KCNIP3: variants seen among roughly 807,000 people sequenced by gnomAD.
KCNIP3 encodes the protein calsenilin.
In KCNIP3, 28 loss-of-function variants were observed where a neutral mutation model predicts 35.0. The observed-to-expected ratio is 0.80, with a 90% confidence interval of 0.59 to 1.10. The LOEUF is 1.10. Among genes scored for constraint, KCNIP3 ranks in the 50% least tolerant of loss-of-function variants. The probability of loss-of-function intolerance (pLI) is 0.00; values close to 1 mark genes in which losing one functional copy is unlikely to be tolerated. For synonymous variants in KCNIP3, 134 were observed against 133.8 expected, an observed-to-expected ratio of 1.00 and a Z score of -0.01; for missense variants, 295 against 338.4, an observed-to-expected ratio of 0.87 and a Z score of 1.01.
At chr2:95,317,849 G>C (rs1442675363) in intron 2 of KCNIP3, among the ~76,000 whole-genome samples, 1 of 152,224 alleles carries the variant, frequency 6.6e-6, no homozygotes, top group Non-Finnish European at 1.5e-5. Context: ...CCCAAGGATG[G>C]CAGGGTGCGG....
chr2:95,376,094 C>G lies in KCNIP3; in HGVS notation c.447+886C>G, dbSNP rs1325636584. 1.3e-5 allele frequency among the ~76,000 whole-genome samples: 2 copies of G among 152,246 alleles called. No individual in the cohort carries two copies. The highest frequency in any genetic ancestry group is 2.9e-5 in the Non-Finnish European group (2 of 68,046). On this transcript the variant is annotated intron_variant, in intron 5 of 8. Transcript: ENST00000295225. This position sits in a 1 kb window ranked among gnomAD's most constrained non-coding sequence, Gnocchi z 4.2. ...GCCCTGTGACCACAGGACCCCTCGACTCTGAGCCACACTCTGAGGGCTCTG... is the reference window on the plus strand; with the variant it reads ...GCCCTGTGACCACAGGACCCCTCGAGTCTGAGCCACACTCTGAGGGCTCTG...
chr2:95,355,787 A>G (rs1679642498), intron 2 of KCNIP3, among the ~76,000 whole-genome samples: 1 of 152,292 alleles, frequency 6.6e-6, no homozygotes, highest in East Asian at 1.9e-4. Flanking sequence ...GCTATTGTGA[A>G]TAGTGCTGCT....
chr2:95,326,186 TAC>T (rs537810871), intron 2 of KCNIP3, among the ~76,000 whole-genome samples: 4 of 147,992 alleles, frequency 2.7e-5, no homozygotes, highest in East Asian at 2.1e-4. Context: ...TACACAGTCA[TAC>T]ACACATACAC....
intron 1 of KCNIP3, among the ~76,000 whole-genome samples, chr2:95,304,930 C>T (rs1678132985): frequency 6.6e-6 from 1 of 152,322 alleles, no homozygotes; most frequent in East Asian, 1.9e-4. Context: ...GCCTGCCTGG[C>T]TCACCAGCAG....
chr2:95,307,974 C>T (rs1197934544), intron 1 of KCNIP3, among the ~76,000 whole-genome samples: 1 of 152,222 alleles, frequency 6.6e-6, no homozygotes. Context: ...GCGTTTCTGA[C>T]CCAGCCTGAC....
At chr2:95,326,888 C>A (rs1449540265) in intron 2 of KCNIP3, among the ~76,000 whole-genome samples, 1 of 152,218 alleles carries the variant, frequency 6.6e-6, no homozygotes, top group Non-Finnish European at 1.5e-5. Context: ...CTCGGCAGGG[C>A]ACTCATGCGT....
At chr2:95,340,358 C>G (rs144725979) in intron 2 of KCNIP3, among the ~76,000 whole-genome samples, 105 of 151,972 alleles carry the variant, frequency 6.9e-4, no homozygotes, top group African/African-American at 2.4e-3. Flanking sequence ...AACAAACAAA[C>G]AAACAACAAC....
At chr2:95,374,798 G>C in intron 3 of KCNIP3, 50 bp from the exon 4 acceptor site, 2 of 1,592,288 alleles carry the variant, frequency 1.3e-6, no homozygotes, top group South Asian at 1.1e-5. Flanking sequence ...GCAGAGTCGG[G>C]CTTGGAGCTG....
At chr2:95,325,779 ACACT>A (rs1271623107) in intron 2 of KCNIP3, among the ~76,000 whole-genome samples, 2 of 151,184 alleles carry the variant, frequency 1.3e-5, no homozygotes, top group Admixed American at 6.6e-5. Context: ...TCATATACAC[ACACT>A]CATACACACT....
intron 5 of KCNIP3, among the ~76,000 whole-genome samples, chr2:95,380,715 T>C (rs968263690): frequency 1.3e-5 from 2 of 151,980 alleles, no homozygotes; most frequent in African/African-American, 4.8e-5. Flanking sequence ...GACTCAAGAG[T>C]TGAGCACCAG....
In KCNIP3 at chr2:95,377,185, C is replaced by G. The variant is rs377067058; in HGVS notation, c.447+1977C>G. On this transcript the variant is annotated intron_variant, in intron 5 of 8. Coordinates refer to ENST00000295225, the MANE Select transcript of KCNIP3 (RefSeq NM_013434.5). The surrounding 1 kb of genome is among the most constrained non-coding windows in gnomAD (Gnocchi z 4.7). ...TCTGGCCACCAGGGCCTTTCTCGTG[C>G]AACTCATCTGGCTTGCCAGGACGTG... 6.6e-6 allele frequency among the ~76,000 whole-genome samples: 1 copy of G among 152,246 alleles called. No individual in the cohort carries two copies. Among genetic ancestry groups the G allele is most frequent in the East Asian group, 1.9e-4 (1 of 5,192 alleles).
At chr2:95,315,426 G>A (rs1200698679) in intron 2 of KCNIP3, among the ~76,000 whole-genome samples, 32 of 152,154 alleles carry the variant, frequency 2.1e-4, no homozygotes, top group Admixed American at 1.8e-3. Context: ...GTGCCTCCTC[G>A]GCCCCAGCGC....
intron 2 of KCNIP3, among the ~76,000 whole-genome samples, chr2:95,314,236 T>C (rs1358374501): frequency 6.6e-6 from 1 of 152,150 alleles, no homozygotes; most frequent in Non-Finnish European, 1.5e-5. Context: ...AACAGAATTT[T>C]CGCGTATTTG....
At chr2:95,312,100 T>A (rs1678335598) in intron 2 of KCNIP3, 1 of 152,054 alleles carries the variant, frequency 6.6e-6, no homozygotes, top group Admixed American at 6.6e-5. Flanking sequence ...AGACTCAGAT[T>A]TCCTCCACTT....
intron 2 of KCNIP3, among the ~76,000 whole-genome samples, chr2:95,371,231 T>C (rs1680034780): frequency 6.6e-6 from 1 of 152,238 alleles, no homozygotes. Flanking sequence ...AGCAATAAAT[T>C]TCCCTGTCAG....
intron 2 of KCNIP3, among the ~76,000 whole-genome samples, chr2:95,356,726 G>A (rs1308389794): frequency 3.9e-5 from 6 of 152,150 alleles, no homozygotes; most frequent in Non-Finnish European, 7.3e-5. Context: ...TTTGGTACCC[G>A]TACCATGCTG....
chr2:95,345,709 G>A (rs1679335403), intron 2 of KCNIP3, among the ~76,000 whole-genome samples: 2 of 152,370 alleles, frequency 1.3e-5, no homozygotes, highest in African/African-American at 4.8e-5. Flanking sequence ...GCCCGCTGGA[G>A]GGCAGCAGAG....
At chr2:95,383,615 G>A (rs1680405256) in intron 8 of KCNIP3, among the ~76,000 whole-genome samples, 1 of 152,208 alleles carries the variant, frequency 6.6e-6, no homozygotes, top group African/African-American at 2.4e-5. Flanking sequence ...CCGTGGGGAG[G>A]CACCAGAGCT....
chr2:95,338,245 T>C (rs1244846299), intron 2 of KCNIP3, among the ~76,000 whole-genome samples: 1 of 152,196 alleles, frequency 6.6e-6, no homozygotes, highest in African/African-American at 2.4e-5. Flanking sequence ...TTAGGCTCAG[T>C]TTCTCCACCT....
Sources: gnomAD v4.1 joint callset for allele counts (sites outside exome capture counted in the v4.1 genomes callset) on GRCh38, gnomAD v4.1.1 for gene constraint, Gnocchi (gnomAD v3.1) non-coding constraint, MANE v1.5 for transcripts, NCBI Gene and HGNC (gene_info 2026-07-23, HGNC 2026-07-21) for gene names.